PTPRD: variants seen among roughly 807,000 people sequenced by gnomAD.
PTPRD encodes the protein receptor-type tyrosine-protein phosphatase delta.
In PTPRD, 34 loss-of-function variants were observed where a neutral mutation model predicts 214.5. The observed-to-expected ratio is 0.16, with a 90% CI of 0.12 to 0.21. The LOEUF is 0.21. Ranked by LOEUF, PTPRD falls within the 10% of genes least tolerant of loss-of-function variation. The probability of loss-of-function intolerance (pLI) is 1.00; values close to 1 mark genes in which losing one functional copy is unlikely to be tolerated. For missense variants in PTPRD, 2,545 were observed against 2,398.7 expected (o/e 1.06, Z -1.27); for synonymous variants, 1,128 against 845.7 (o/e 1.33, Z -5.79).
chr9:9,645,626 T>C (rs2096133172), intron 7 of PTPRD, among the ~76,000 whole-genome samples: 1 of 151,950 alleles, frequency 6.6e-6, no homozygotes, highest in African/African-American at 2.4e-5. Context: ...ACATAAACTT[T>C]AAATGCAACT....
At position 10,529,841 on chromosome 9, in the gene PTPRD, G is replaced by A. The variant is rs146596703; in HGVS notation, c.-600+82557C>T. 2.2e-3 allele frequency among the ~76,000 whole-genome samples: 342 copies of A among 152,012 alleles called. 2 individuals carry two copies. The highest frequency in any genetic ancestry group is 7.9e-3 in the African/African-American group (328 of 41,466). The stretch of plus-strand genomic sequence containing the variant: ...ACACCACATGTTCTCACTCATAAGT[G>A]GGAGTTGGACAATGAGAACACATGG... On this transcript the variant is annotated intron_variant, in intron 2 of 45. Transcript: ENST00000381196.
At chr9:9,550,669 T>C (rs2079989044) in intron 8 of PTPRD, among the ~76,000 whole-genome samples, 1 of 151,424 alleles carries the variant, frequency 6.6e-6, no homozygotes, top group African/African-American at 2.4e-5. Flanking sequence ...ATGAAAAGAA[T>C]GTAAAGATAA....
chr9:8,839,443 G>C lies in PTPRD; in HGVS notation c.-103-105497C>G, dbSNP rs151332793. 7.2e-5 allele frequency among the ~76,000 whole-genome samples: 11 copies of C among 152,212 alleles called. No individual in the cohort carries two copies. In the East Asian group the frequency reaches 1.9e-3, roughly 27 times the overall value. ...AGGTTCAAGCAATTCTCCTGCCTCA[G>C]CCACCCGAACAGCTGGGACTACAGG... is the stretch of plus-strand genomic sequence containing the variant. On this transcript the variant is annotated intron_variant, in intron 11 of 45. Coordinates refer to ENST00000381196, the MANE Select transcript of PTPRD (RefSeq NM_002839.4).
At chr9:9,830,362 T>C (rs989437459) in intron 5 of PTPRD, among the ~76,000 whole-genome samples, 1 of 151,848 alleles carries the variant, frequency 6.6e-6, no homozygotes, top group Admixed American at 6.6e-5. Context: ...TTCAGATCAC[T>C]ATTTGTCAAC....
chr9:8,473,049 C>A (rs557732659), intron 30 of PTPRD, among the ~76,000 whole-genome samples: 1 of 152,130 alleles, frequency 6.6e-6, no homozygotes. Context: ...CATCACAGGC[C>A]GGAGAGACGC....
rs1028944529 is a variant in PTPRD at position 8,975,912 on chromosome 9, T to C, written c.-104+42785A>G. ...CAGCATTTGTACTTCAAAAACATGATTTTCATTGGTTGCTTAATAATATAT... is the reference window on the plus strand; with the variant it reads ...CAGCATTTGTACTTCAAAAACATGACTTTCATTGGTTGCTTAATAATATAT... On this transcript the variant is annotated intron_variant, in intron 11 of 45. Transcript: ENST00000381196. 2.6e-5 allele frequency among the ~76,000 whole-genome samples: 4 copies of C among 151,918 alleles called. No homozygotes were observed. The East Asian group carries it at 7.7e-4, about 29-fold the overall frequency.
intron 12 of PTPRD, among the ~76,000 whole-genome samples, chr9:8,644,344 G>T (rs2096642435): frequency 6.6e-6 from 1 of 152,168 alleles, no homozygotes. Flanking sequence ...GGTCTCCTCT[G>T]AGCTTTCCTA....
chr9:8,881,213 C>T (rs1376427642), intron 11 of PTPRD, among the ~76,000 whole-genome samples: 2 of 152,092 alleles, frequency 1.3e-5, no homozygotes, highest in East Asian at 1.9e-4. Flanking sequence ...GTATTTGTTC[C>T]CTGATCTCAC....
chr9:8,389,155 T>C, intron 37 of PTPRD, 77 bp downstream of exon 37: 2 of 1,311,828 alleles, frequency 1.5e-6, no homozygotes, highest in East Asian at 4.8e-5. Context: ...GGTTAGATTC[T>C]GAACAGAATA....
At chr9:9,075,767 T>A (rs2099750166) in intron 10 of PTPRD, among the ~76,000 whole-genome samples, 1 of 152,186 alleles carries the variant, frequency 6.6e-6, no homozygotes, top group Admixed American at 6.6e-5. Context: ...TGCATAGTAT[T>A]CCATGATGTA....
chr9:8,925,534 C>T (rs1248437090), intron 11 of PTPRD, among the ~76,000 whole-genome samples: 1 of 150,572 alleles, frequency 6.6e-6, no homozygotes, highest in Non-Finnish European at 1.5e-5. Context: ...CAAAAAAAAC[C>T]AACTACAAGT....
intron 5 of PTPRD, among the ~76,000 whole-genome samples, chr9:9,911,307 C>G (rs757281914): frequency 6.6e-6 from 1 of 152,036 alleles, no homozygotes; most frequent in Non-Finnish European, 1.5e-5. Flanking sequence ...TGCAAGAACT[C>G]TTACTTAGAG....
intron 2 of PTPRD, among the ~76,000 whole-genome samples, chr9:10,547,914 G>A (rs1054704053): frequency 2.6e-5 from 4 of 152,060 alleles, no homozygotes; most frequent in Non-Finnish European, 2.9e-5. Context: ...GTAGTTGCAT[G>A]GTAATTTCAG....
At chr9:9,897,992 T>A (rs908414345) in intron 5 of PTPRD, among the ~76,000 whole-genome samples, 3 of 151,868 alleles carry the variant, frequency 2.0e-5, no homozygotes, top group Admixed American at 1.3e-4. Flanking sequence ...AAATAAATCT[T>A]TACTTATAAA....
intron 2 of PTPRD, among the ~76,000 whole-genome samples, chr9:10,537,768 T>C (rs2058176415): frequency 2.0e-5 from 3 of 152,044 alleles, no homozygotes; most frequent in Non-Finnish European, 2.9e-5. Flanking sequence ...CTCATAAAAG[T>C]TTCCTAATAA....
At chr9:8,551,818 G>A (rs545013287) in intron 14 of PTPRD, among the ~76,000 whole-genome samples, 2 of 152,274 alleles carry the variant, frequency 1.3e-5, no homozygotes, top group South Asian at 2.1e-4. Context: ...AACCTGCACA[G>A]ACTTTATCAA....
At position 10,099,721 on chromosome 9, in the gene PTPRD, T is replaced by C. The variant is rs2098532305; in HGVS notation, c.-544-65931A>G. On this transcript the variant is annotated intron_variant, in intron 3 of 45. Transcript: ENST00000381196. ...TTTTTCGCTATCATCGTATGTTGGG[T>C]CTGCTTTTTTTAGTAATAAAAGAGT... 1.3e-5 allele frequency among the ~76,000 whole-genome samples: 2 copies of C among 151,852 alleles called. 1 individual carries two copies. The highest frequency in any genetic ancestry group is 4.1e-4 in the South Asian group (2 of 4,820).
At chr9:9,354,667 G>T (rs1385074994) in intron 9 of PTPRD, among the ~76,000 whole-genome samples, 1 of 151,734 alleles carries the variant, frequency 6.6e-6, no homozygotes, top group African/African-American at 2.4e-5. Context: ...TAATGCATTA[G>T]GAGGTAAAAA....
chr9:9,882,624 A>G (rs2153742726), intron 5 of PTPRD, among the ~76,000 whole-genome samples: 1 of 152,310 alleles, frequency 6.6e-6, no homozygotes, highest in Admixed American at 6.5e-5. Flanking sequence ...CTATAAGCCC[A>G]CTGTAAGGTG....
Sources: allele counts gnomAD v4.1 joint callset (sites outside exome capture counted in the v4.1 genomes callset), GRCh38; gene constraint gnomAD v4.1.1; transcripts MANE v1.5; gene names NCBI Gene and HGNC (gene_info 2026-07-23, HGNC 2026-07-21).